Variants in RBFOX1 observed in about 807,000 individuals in gnomAD.
RBFOX1 encodes the protein RNA binding fox-1 homolog 1.
In RBFOX1, 8 loss-of-function variants were observed where a neutral mutation model predicts 57.7. The observed-to-expected ratio is 0.14, with a 90% CI of 0.08 to 0.25. The LOEUF is 0.25. Ranked by LOEUF, RBFOX1 falls within the 10% of genes least tolerant of loss-of-function variation. RBFOX1 has a pLI of 1.00. For synonymous variants in RBFOX1, 326 were observed against 222.4 expected (o/e 1.47, Z -4.15); for missense variants, 611 against 548.5 (o/e 1.11, Z -1.14).
At chr16:7,519,580 C>A in intron 5 of RBFOX1, 1 of 342,304 alleles carries the variant, frequency 2.9e-6, no homozygotes, top group Non-Finnish European at 4.1e-6. Flanking sequence ...AAATAATGTT[C>A]ATTTGTGTGC....
chr16:6,588,688 A>G (rs980005248), intron 2 of RBFOX1, among the ~76,000 whole-genome samples: 8 of 152,126 alleles, frequency 5.3e-5, no homozygotes, highest in Non-Finnish European at 8.8e-5. Context: ...TCCTCCCTGC[A>G]TTTTTTGGTC....
intron 3 of RBFOX1, among the ~76,000 whole-genome samples, chr16:6,728,192 T>G (rs2067686188): frequency 6.6e-6 from 1 of 152,232 alleles, no homozygotes; most frequent in Admixed American, 6.5e-5. Flanking sequence ...GCAGTGTCAC[T>G]TCTTACGGTC....
chr16:5,513,018 C>G (rs147308197), intron 2 of RBFOX1, among the ~76,000 whole-genome samples: 1 of 152,188 alleles, frequency 6.6e-6, no homozygotes, highest in Non-Finnish European at 1.5e-5. Context: ...TAGGCTCAAA[C>G]GATCCTTCCA....
At chr16:6,104,137 A>G (rs530390603) in intron 1 of RBFOX1, among the ~76,000 whole-genome samples, 7 of 151,720 alleles carry the variant, frequency 4.6e-5, no homozygotes, top group African/African-American at 1.7e-4. Flanking sequence ...GTTGAAACAC[A>G]CACACACACA....
intron 2 of RBFOX1, among the ~76,000 whole-genome samples, chr16:5,528,268 C>T (rs993751452): frequency 3.3e-5 from 5 of 152,242 alleles, no homozygotes; most frequent in Admixed American, 2.0e-4. Context: ...ATCAGTTTTC[C>T]GTGGGGGAGT....
intron 3 of RBFOX1, among the ~76,000 whole-genome samples, chr16:6,944,528 T>C (rs2079127774): frequency 6.6e-6 from 1 of 152,072 alleles, no homozygotes; most frequent in South Asian, 2.1e-4. Flanking sequence ...TAACCAGAAG[T>C]GGTCACGATC....
At chr16:6,161,264 C>T (rs946725770) in intron 1 of RBFOX1, among the ~76,000 whole-genome samples, 1 of 152,116 alleles carries the variant, frequency 6.6e-6, no homozygotes, top group East Asian at 1.9e-4. Context: ...TGGTGCACGC[C>T]TGTAATCCCA....
chr16:7,218,668 G>C (rs1238511210), intron 4 of RBFOX1, among the ~76,000 whole-genome samples: 1 of 148,794 alleles, frequency 6.7e-6, no homozygotes, highest in Non-Finnish European at 1.5e-5. Flanking sequence ...GTGTGTGTGT[G>C]TGTGTGTGTG....
chr16:6,530,274 C>G (rs17140523), intron 2 of RBFOX1, among the ~76,000 whole-genome samples: 5 of 151,834 alleles, frequency 3.3e-5, no homozygotes, highest in African/African-American at 1.2e-4. Flanking sequence ...CTCTCAAGCT[C>G]AACAGTGTGC....
chr16:6,233,277 G>A (rs989122129), intron 1 of RBFOX1, among the ~76,000 whole-genome samples: 5 of 152,098 alleles, frequency 3.3e-5, no homozygotes, highest in Admixed American at 6.5e-5. Flanking sequence ...CAAACTGGAG[G>A]GAAGATACAT....
In RBFOX1 at chr16:6,204,738, A is replaced by T. The variant is rs557359090; in HGVS notation, c.-126-112257A>T. Among the ~76,000 whole-genome samples the T allele has an allele frequency of 2.6e-5, 4 of 152,278 alleles. No individual in the cohort carries two copies. In the East Asian group the frequency reaches 7.8e-4, roughly 30 times the overall value. On this transcript the variant is annotated intron_variant, in intron 1 of 15. Transcript: ENST00000550418. ...GCAGTGTGAAGGGGTTGATTTCTTT[A>T]TAATGTTTTTAATTGAGTTGGATGA...
intron 3 of RBFOX1, among the ~76,000 whole-genome samples, chr16:5,687,451 A>G (rs1343945508): frequency 6.6e-6 from 1 of 152,188 alleles, no homozygotes; most frequent in African/African-American, 2.4e-5. Context: ...ACATCTCACA[A>G]CTGTTGGGAG....
chr16:7,576,721 A>G (rs1380799078), intron 5 of RBFOX1, among the ~76,000 whole-genome samples: 1 of 152,244 alleles, frequency 6.6e-6, no homozygotes, highest in African/African-American at 2.4e-5. Flanking sequence ...AATATGTTTA[A>G]TCATAATCTC....
rs568763043 is a variant in RBFOX1 at position 6,783,124 on chromosome 16, C to T, written c.-16+128474C>T. ...CTTTCATTTTCAGTCTGTGTGTTTTCGTAGGTAAAAATGAGTTCCTTATAG... is the reference window on the plus strand; with the variant it reads ...CTTTCATTTTCAGTCTGTGTGTTTTTGTAGGTAAAAATGAGTTCCTTATAG... On this transcript the variant is annotated intron_variant, in intron 3 of 15. Transcript: ENST00000550418. 1.9e-3 allele frequency among the ~76,000 whole-genome samples: 284 copies of T among 151,458 alleles called. 5 individuals carry two copies. Among genetic ancestry groups the T allele is most frequent in the South Asian group, 0.017 (79 of 4,784 alleles).
chr16:7,042,603 C>T (rs187127702), intron 3 of RBFOX1, among the ~76,000 whole-genome samples: 13 of 152,280 alleles, frequency 8.5e-5, no homozygotes, highest in Admixed American at 2.6e-4. Flanking sequence ...TACATTTTAA[C>T]GAATGTTAGT....
At chr16:6,111,193 G>A (rs770295097) in intron 1 of RBFOX1, among the ~76,000 whole-genome samples, 10 of 152,086 alleles carry the variant, frequency 6.6e-5, no homozygotes, top group African/African-American at 1.2e-4. Context: ...TGAAAAGTAC[G>A]CCACATACAC....
intron 2 of RBFOX1, among the ~76,000 whole-genome samples, chr16:6,510,346 G>T (rs756500747): frequency 5.3e-5 from 8 of 152,076 alleles, no homozygotes; most frequent in African/African-American, 1.9e-4. Flanking sequence ...TTCGTGGAAG[G>T]TCACATGTGA....
At chr16:7,065,579 T>TATGTGTACACA (rs1331720865) in intron 4 of RBFOX1, among the ~76,000 whole-genome samples, 2 of 152,244 alleles carry the variant, frequency 1.3e-5, no homozygotes, top group Non-Finnish European at 2.9e-5. Flanking sequence ...GGTGTTTTAG[T>TATGTGTACACA]ATGTGTACAT....
chr16:5,840,262 A>G (rs866004492), intron 3 of RBFOX1, among the ~76,000 whole-genome samples: 4 of 152,224 alleles, frequency 2.6e-5, no homozygotes, highest in African/African-American at 4.8e-5. Flanking sequence ...CTATGTCCTG[A>G]CAGCGCTGTC....
Sources: allele counts gnomAD v4.1 joint callset (sites outside exome capture counted in the v4.1 genomes callset), GRCh38; gene constraint gnomAD v4.1.1; transcripts MANE v1.5; gene names NCBI Gene and HGNC (gene_info 2026-07-23, HGNC 2026-07-21).